The following BBS9 variants were observed in gnomAD, a reference collection of about 807,000 sequenced individuals.
BBS9 encodes the protein Bardet-Biedl syndrome 9.
In BBS9, 89 loss-of-function variants were observed where a neutral mutation model predicts 117.7. The observed-to-expected ratio is 0.76, with a 90% CI of 0.64 to 0.90. The LOEUF is 0.90. Ranked by LOEUF, BBS9 falls within the 40% of genes least tolerant of loss-of-function variation. The probability of loss-of-function intolerance (pLI) is 0.00; values close to 1 mark genes in which losing one functional copy is unlikely to be tolerated. For synonymous variants in BBS9, 379 were observed against 370.9 expected, an observed-to-expected ratio of 1.02 and a Z score of -0.25; for missense variants, 982 against 1,042.2, an observed-to-expected ratio of 0.94 and a Z score of 0.80.
chr7:33,245,276 C>T (rs1342444799), intron 5 of BBS9, among the ~76,000 whole-genome samples: 2 of 151,856 alleles, frequency 1.3e-5, no homozygotes, highest in African/African-American at 4.8e-5. Flanking sequence ...TAGGCTTTAT[C>T]TCTTTATTTT....
rs534837611 is a variant in BBS9, at chr7:33,259,474, C to G, written c.617+2064C>G. On this transcript the variant is annotated intron_variant, in intron 6 of 22. Transcript: ENST00000242067. ...TTGTAAATTTTTACTCCAGATCAAT[C>G]TAATTCAGGGGCACACTTTGAGCAC... Among the ~76,000 whole-genome samples the G allele has an allele frequency of 3.9e-5, 6 of 152,132 alleles. No homozygotes were observed. The South Asian group carries it at 1.0e-3, about 26-fold the overall frequency.
chr7:33,304,039 C>T (rs10262362), intron 9 of BBS9, among the ~76,000 whole-genome samples: 60,309 of 141,188 alleles, frequency 0.43, 11,257 homozygotes, highest in Admixed American at 0.5. Context: ...TCTGCCCGGC[C>T]GCCACCCCAT....
intron 21 of BBS9, among the ~76,000 whole-genome samples, chr7:33,545,924 C>CTTTTTTTTTT (rs10537037): frequency 3.1e-5 from 2 of 64,612 alleles, no homozygotes; most frequent in African/African-American, 1.3e-4. Context: ...CTTTATAATC[C>CTTTTTTTTTT]TTTTTTTTTT....
intron 2 of BBS9, 108 bp from the exon 3 acceptor site, chr7:33,152,593 T>A (rs1183561361): frequency 9.2e-7 from 1 of 1,084,714 alleles, no homozygotes; most frequent in Admixed American, 2.4e-5. Flanking sequence ...CAAGACTGAA[T>A]TCTTTTAATT....
chr7:33,565,682 C>T (rs1399104425), intron 21 of BBS9, among the ~76,000 whole-genome samples: 1 of 150,180 alleles, frequency 6.7e-6, no homozygotes, highest in Non-Finnish European at 1.5e-5. Flanking sequence ...TTTTAACAGT[C>T]TATCTTCAGG....
At chr7:33,546,757 A>C (rs1395610693) in intron 21 of BBS9, among the ~76,000 whole-genome samples, 1 of 152,198 alleles carries the variant, frequency 6.6e-6, no homozygotes, top group South Asian at 2.1e-4. Flanking sequence ...CCCAGCTGAA[A>C]TGATGTTCCA....
At chr7:33,329,241 G>A (rs183409294) in intron 9 of BBS9, among the ~76,000 whole-genome samples, 41 of 152,082 alleles carry the variant, frequency 2.7e-4, no homozygotes, top group Admixed American at 5.2e-4. Flanking sequence ...GACTGGTCTC[G>A]AACTCCTGGC....
chr7:33,590,439 G>GTTTGTTTTTTTGTTTT (rs71554106), intron 21 of BBS9, among the ~76,000 whole-genome samples: 3 of 77,146 alleles, frequency 3.9e-5, no homozygotes, highest in South Asian at 4.2e-4. Flanking sequence ...ACTGGCCACT[G>GTTTGTTTTTTTGTTTT]TTTGTTTTTT....
intron 5 of BBS9, among the ~76,000 whole-genome samples, chr7:33,209,994 T>G (rs1787709432): frequency 6.6e-6 from 1 of 152,172 alleles, no homozygotes; most frequent in Non-Finnish European, 1.5e-5. Context: ...GTTGTTTGTT[T>G]GCAGTTTTTA....
intron 5 of BBS9, among the ~76,000 whole-genome samples, chr7:33,198,296 T>C (rs1785260488): frequency 6.6e-6 from 1 of 151,986 alleles, no homozygotes; most frequent in Admixed American, 6.6e-5. Flanking sequence ...AAAATTAAGA[T>C]TTCATATGGC....
chr7:33,230,905 T>G (rs1792246362), intron 5 of BBS9, among the ~76,000 whole-genome samples: 2 of 152,162 alleles, frequency 1.3e-5, no homozygotes, highest in African/African-American at 4.8e-5. Flanking sequence ...GTTTTTTATG[T>G]AATGACTTAT....
At chr7:33,407,304 T>A (rs948995847) in intron 19 of BBS9, among the ~76,000 whole-genome samples, 4 of 152,222 alleles carry the variant, frequency 2.6e-5, no homozygotes, top group African/African-American at 9.6e-5. Context: ...TAAGCACTTC[T>A]CTGTATTGGT....
Position 33,340,934 on chromosome 7 carries a change from C to T in BBS9, c.1236C>T (p.Asn412=), listed in dbSNP as rs139235142. ...WPMTEREDDL[N]VSVVVSPNFD... is the part of the protein sequence containing the mutation. ...TGACTGAGAGAGAAGATGACTTGAA[C>T]GTTTCTGTCGTGGTTTCTCCTAACT... The change falls in exon 11 of 23, where the codon AAC becomes AAT. Residue 412 remains asparagine (N), a synonymous_variant. Coordinates refer to ENST00000242067, the MANE Select transcript of BBS9 (RefSeq NM_198428.3). The T allele has an allele frequency of 4.0e-5, 64 of 1,613,480 alleles. No homozygotes were observed. In the East Asian group the frequency reaches 1.1e-3, roughly 28 times the overall value.
intron 4 of BBS9, among the ~76,000 whole-genome samples, chr7:33,161,890 CA>C (rs1315236784): frequency 6.6e-6 from 1 of 152,174 alleles, no homozygotes; most frequent in Non-Finnish European, 1.5e-5. Context: ...AGCATTTTTT[CA>C]TGTGTCTGTT....
intron 5 of BBS9, among the ~76,000 whole-genome samples, chr7:33,208,952 G>A (rs1004966647): frequency 6.6e-6 from 1 of 152,052 alleles, no homozygotes; most frequent in African/African-American, 2.4e-5. Context: ...TATTACAAAC[G>A]ATCCAATTAG....
intron 4 of BBS9, chr7:33,157,642 T>C (rs1344005232): frequency 6.6e-6 from 1 of 152,204 alleles, no homozygotes; most frequent in Non-Finnish European, 1.5e-5. Context: ...ACAAACATTT[T>C]CTAATTTAAG....
intron 5 of BBS9, among the ~76,000 whole-genome samples, chr7:33,231,660 T>G (rs1157543048): frequency 6.6e-6 from 1 of 152,124 alleles, no homozygotes; most frequent in Non-Finnish European, 1.5e-5. Flanking sequence ...AAAACTATTT[T>G]AAAGAAGTAG....
chr7:33,251,862 A>G (rs1230122855), intron 5 of BBS9, among the ~76,000 whole-genome samples: 1 of 152,198 alleles, frequency 6.6e-6, no homozygotes, highest in East Asian at 1.9e-4. Flanking sequence ...GGACTTGAAT[A>G]TATTAAGTGT....
chr7:33,202,298 T>C (rs1459216703), intron 5 of BBS9, among the ~76,000 whole-genome samples: 6 of 152,184 alleles, frequency 3.9e-5, no homozygotes, highest in African/African-American at 2.4e-5. Context: ...AGATAAAAAC[T>C]GTGCTTGCCC....
Sources: gnomAD v4.1 joint callset for allele counts (sites outside exome capture counted in the v4.1 genomes callset) on GRCh38, gnomAD v4.1.1 for gene constraint, MANE v1.5 for transcripts, NCBI Gene and HGNC (gene_info 2026-07-23, HGNC 2026-07-21) for gene names.